Variants in TBATA observed in about 807,000 individuals in gnomAD.
The protein encoded by TBATA is thymus, brain and testes associated.
A neutral mutation model predicts 38.7 loss-of-function variants in TBATA; 47 were observed. The ratio of observed to expected loss-of-function variants is 1.21; its 90% CI spans 0.96 to 1.55. The LOEUF (loss-of-function observed/expected upper bound fraction) is 1.55, where lower values mean the gene tolerates loss of function less well. Among genes scored for constraint, TBATA ranks in the 40% most tolerant of loss-of-function variants. The pLI is 0.00. For synonymous variants in TBATA, 183 were observed against 170.5 expected, an observed-to-expected ratio of 1.07 and a Z score of -0.57; for missense variants, 436 against 435.6, an observed-to-expected ratio of 1.00 and a Z score of -0.01.
rs1250355672 is a variant in TBATA at position 70,771,427 on chromosome 10, A to G, written c.1008T>C (p.His336=). 6.2e-7 allele frequency: 1 copy of G among 1,613,980 alleles called. No homozygotes were observed. The highest frequency in any genetic ancestry group is 8.5e-7 in the Non-Finnish European group (1 of 1,180,012). ...YIGEAQVLQM[H]SSQNTEKKTS... ...TCTTCTTCTCTGTGTTCTGGCTTGA[A>G]TGCATCTGGAGGACTTGAGCTTCTC... The change falls in exon 11 of 11, where the codon CAT becomes CAC. Residue 336 remains histidine (H), a synonymous_variant. Coordinates refer to ENST00000456372, the MANE Select transcript of TBATA (RefSeq NM_001318241.2).
In TBATA at chr10:70,781,826, G is replaced by A. The variant is rs146225782; in HGVS notation, c.252C>T (p.His84=). Residue 84 remains histidine (H), a synonymous_variant, in exon 4 of 11, where the codon CAC becomes CAT. Transcript: ENST00000456372. ...CTTGGATGTGGGTCACGTGCTGGGG[G>A]TGTGGGTGGTGCCGGGAGAAGAAGG... ...HHSFFSRHHP[H]PQHVTHIQDL... 3.7e-6 allele frequency: 6 copies of A among 1,613,972 alleles called. No individual in the cohort carries two copies. The highest frequency in any genetic ancestry group is 5.1e-6 in the Non-Finnish European group (6 of 1,179,916).
chr10:70,779,198 A>G (rs971268333), intron 5 of TBATA, among the ~76,000 whole-genome samples: 2 of 152,250 alleles, frequency 1.3e-5, no homozygotes, highest in African/African-American at 4.8e-5. Context: ...GGCAGAGCAG[A>G]GACCTCTGAA....
At position 70,772,470 on chromosome 10, in the gene TBATA, G is replaced by A. The variant is rs530348290; in HGVS notation, c.973+44C>T. On this transcript the variant is annotated intron_variant, in intron 10 of 10. Coordinates refer to ENST00000456372, the MANE Select transcript of TBATA (RefSeq NM_001318241.2). ...TCCCCTGAGAAATCCAGCCAGAGTG[G>A]GCCTTGGTGAGTCCCCCAAATGACC... 7 of 1,592,228 alleles carry A rather than the reference G, an allele frequency of 4.4e-6. No homozygotes were observed. In the South Asian group the frequency reaches 4.4e-5, roughly 10 times the overall value.
intron 7 of TBATA, chr10:70,776,457 C>T (rs1301728701): frequency 4.4e-6 from 2 of 454,282 alleles, no homozygotes; most frequent in Non-Finnish European, 8.9e-6. Flanking sequence ...TGGACTATCA[C>T]TTGGCAGGGC....
rs781680396 is a variant in TBATA at position 70,771,403 on chromosome 10, C to T, written c.1032G>A (p.Lys344=). Residue 344 remains lysine, a synonymous_variant, in exon 11 of 11, where the codon AAG becomes AAA. Transcript: ENST00000456372. ...QMHSSQNTEK[K]TSKPRAES ...AGCTCTCTGCCCTCGGCTTCGATGT[C>T]TTCTTCTCTGTGTTCTGGCTTGAAT... 6.2e-7 allele frequency: 1 copy of T among 1,614,142 alleles called. No individual in the cohort carries two copies. The highest frequency in any genetic ancestry group is 1.1e-5 in the South Asian group (1 of 91,080).
rs1844515009 is a variant in TBATA, at chr10:70,783,450, C to T, written c.-71G>A. On this transcript the variant is annotated 5_prime_UTR_variant, in exon 3 of 11. Coordinates refer to ENST00000456372, the MANE Select transcript of TBATA (RefSeq NM_001318241.2). ...GTTGAGGATGCAGAACAGGAACTCT[C>T]ACTTAATACTAGTGTTGAGGATGCA... is the stretch of plus-strand genomic sequence containing the variant. 2 of 1,550,294 alleles carry T rather than the reference C, an allele frequency of 1.3e-6. No homozygotes were observed. Among genetic ancestry groups the T allele is most frequent in the Non-Finnish European group, 1.8e-6 (2 of 1,124,492 alleles).
chr10:70,782,731 G>T, intron 3 of TBATA: 1 of 778,164 alleles, frequency 1.3e-6, no homozygotes, highest in Non-Finnish European at 1.6e-6. Flanking sequence ...TCCTGAGGAC[G>T]CTATGCATCT....
At chr10:70,774,587 G>A (rs1843148559) in intron 8 of TBATA, among the ~76,000 whole-genome samples, 1 of 152,116 alleles carries the variant, frequency 6.6e-6, no homozygotes, top group Admixed American at 6.5e-5. Context: ...CCTTGTTCTT[G>A]GCCCCAGCTG....
At chr10:70,772,339 G>T (rs2132799986) in intron 10 of TBATA, 175 bp downstream of exon 10, 2 of 746,566 alleles carry the variant, frequency 2.7e-6, no homozygotes, top group East Asian at 5.4e-5. Context: ...TCAGCACATT[G>T]TGGGTGCTCG....
chr10:70,779,130 C>A (rs1210003595), intron 5 of TBATA, among the ~76,000 whole-genome samples: 1 of 152,216 alleles, frequency 6.6e-6, no homozygotes, highest in Non-Finnish European at 1.5e-5. Flanking sequence ...TCCAGGATCT[C>A]TTCCCTGTCC....
At chr10:70,776,216 A>C in intron 7 of TBATA, 2 of 390,950 alleles carry the variant, frequency 5.1e-6, no homozygotes, top group Admixed American at 2.7e-5. Context: ...GCCTCTCCCC[A>C]GGCCTCTGCC....
In TBATA at chr10:70,775,252, G is replaced by A. The variant is rs924329550; in HGVS notation, c.712C>T (p.Arg238Trp). The A allele has an allele frequency of 1.2e-6, 2 of 1,614,126 alleles. No individual in the cohort carries two copies. Among genetic ancestry groups the A allele is most frequent in the East Asian group, 2.2e-5 (1 of 44,876 alleles). Reference protein sequence around the residue: ...QELLVLELLCRILETDLLSAI... With the variant: ...QELLVLELLCWILETDLLSAI... Reference sequence around the variant, plus strand: ...CTTAGCAAGTCTGTTTCCAGGATCCGACACAGGAGCTCCAGGACCTGTGGG... The same window carrying A: ...CTTAGCAAGTCTGTTTCCAGGATCCAACACAGGAGCTCCAGGACCTGTGGG... The change falls in exon 8 of 11, where the codon CGG becomes TGG. Residue 238 changes from arginine to tryptophan, a missense_variant. Arg to Trp is a moderately radical substitution (Grantham distance 101). Transcript: ENST00000456372.
chr10:70,774,471 T>C, intron 8 of TBATA, 114 bp from the exon 9 acceptor site: 2 of 1,052,212 alleles, frequency 1.9e-6, no homozygotes, highest in Non-Finnish European at 2.7e-6. Context: ...CATCCCACCT[T>C]CTGCCCTCAG....
intron 4 of TBATA, among the ~76,000 whole-genome samples, chr10:70,780,341 C>T (rs1844024664): frequency 1.3e-5 from 2 of 152,116 alleles, no homozygotes; most frequent in South Asian, 4.1e-4. Context: ...GAAGATCGGC[C>T]TGGCAAGGAC....
rs529942085 is a variant in TBATA at position 70,777,530 on chromosome 10, C to T, written c.508-192G>A. On this transcript the variant is annotated intron_variant, in intron 6 of 10. Transcript: ENST00000456372. Reference sequence around the variant, plus strand: ...CCCCCCCAACCTCACCTGCCCTAGACCCCTCCTTGGGCATCCCCGGCCCTC... The same window carrying T: ...CCCCCCCAACCTCACCTGCCCTAGATCCCTCCTTGGGCATCCCCGGCCCTC... Among the ~76,000 whole-genome samples the T allele has an allele frequency of 1.3e-4, 20 of 152,292 alleles. No homozygotes were observed. The South Asian group carries it at 1.4e-3, about 11-fold the overall frequency.
At chr10:70,779,788 T>C in intron 4 of TBATA, 46 bp from the exon 5 acceptor site, 1 of 1,500,862 alleles carries the variant, frequency 6.7e-7, no homozygotes, top group Non-Finnish European at 8.8e-7. Flanking sequence ...AGGTGGACCT[T>C]AAGAGCTCCA....
chr10:70,782,044 A>G lies in TBATA; in HGVS notation c.42-8T>C. On this transcript the variant is annotated splice_region_variant and splice_polypyrimidine_tract_variant and intron_variant, in intron 3 of 10. Coordinates refer to ENST00000456372, the MANE Select transcript of TBATA (RefSeq NM_001318241.2). ...TTCAGCTCAGCCTTTGGACTGAAGG[A>G]GGGGGTTTCAGGAGAAGCTAATGGA... is the stretch of plus-strand genomic sequence containing the variant. 7 of 1,613,638 alleles carry G rather than the reference A, an allele frequency of 4.3e-6. No homozygotes were observed. The highest frequency in any genetic ancestry group is 5.9e-6 in the Non-Finnish European group (7 of 1,179,760).
rs1397551854 is a variant in TBATA at position 70,782,023 on chromosome 10, G to A, written c.55C>T (p.Leu19=). The A allele has an allele frequency of 1.2e-6, 2 of 1,614,190 alleles. No individual in the cohort carries two copies. The highest frequency in any genetic ancestry group is 1.7e-5 in the Admixed American group (1 of 60,020). ...DYPLMSPKAE[L]KLEKKSGRKP... ...CGCCCTGACTTCTTCTCCAGTTTCA[G>A]CTCAGCCTTTGGACTGAAGGAGGGG... The change falls in exon 4 of 11, where the codon CTG becomes TTG. Residue 19 remains leucine, a synonymous_variant. Coordinates refer to ENST00000456372, the MANE Select transcript of TBATA (RefSeq NM_001318241.2).
At position 70,771,330 on chromosome 10, in the gene TBATA, C is replaced by A; in HGVS notation, c.*46G>T. 6.2e-7 allele frequency: 1 copy of A among 1,614,018 alleles called. No homozygotes were observed. Among genetic ancestry groups the A allele is most frequent in the Non-Finnish European group, 8.5e-7 (1 of 1,179,930 alleles). On this transcript the variant is annotated 3_prime_UTR_variant, in exon 11 of 11. Transcript: ENST00000456372. ...GGTGGAGACAGAAACACCCCTGAAC[C>A]CTTGGGGCTGCTCTTGAGCAAGGCA... is the stretch of plus-strand genomic sequence containing the variant.
Sources: allele counts gnomAD v4.1 joint callset (sites outside exome capture counted in the v4.1 genomes callset), GRCh38; gene constraint gnomAD v4.1.1; transcripts MANE v1.5; gene names NCBI Gene and HGNC (gene_info 2026-07-23, HGNC 2026-07-21).